ABHD3: variants seen among roughly 807,000 people sequenced by gnomAD.
ABHD3 encodes abhydrolase domain containing 3, phospholipase, also known as phospholipase ABHD3.
A neutral mutation model predicts 48.8 loss-of-function variants in ABHD3; 46 were observed. The observed-to-expected ratio is 0.94, with a 90% CI of 0.74 to 1.20. The LOEUF (loss-of-function observed/expected upper bound fraction) is 1.20, where lower values mean the gene tolerates loss of function less well. Among genes scored for constraint, ABHD3 ranks in the 50% most tolerant of loss-of-function variants. The pLI is 0.00. For missense variants in ABHD3, 490 were observed against 497.8 expected (o/e 0.98, Z 0.15); for synonymous variants, 192 against 183.7 (o/e 1.04, Z -0.36).
chr18:21,702,501 G>T lies in ABHD3; in HGVS notation c.327-3C>A. On this transcript the variant is annotated splice_polypyrimidine_tract_variant and splice_region_variant and intron_variant, in intron 2 of 8. Coordinates refer to ENST00000289119, the MANE Select transcript of ABHD3 (RefSeq NM_138340.5). ...CATCTGCAGTTTTAATAAGTTCACT[G>T]AAAGGAATAATTCAGAAGACATTAC... The T allele has an allele frequency of 6.3e-7, 1 of 1,583,974 alleles. No individual in the cohort carries two copies. Among genetic ancestry groups the T allele is most frequent in the Non-Finnish European group, 8.6e-7 (1 of 1,161,586 alleles).
At chr18:21,702,112 G>A (rs1337125418) in intron 3 of ABHD3, 3 of 489,872 alleles carry the variant, frequency 6.1e-6, no homozygotes, top group Non-Finnish European at 1.1e-5. Context: ...TGTCTACTAT[G>A]CTAAGTGACA....
At chr18:21,667,234 C>CTTTTTTT (rs745430805) in intron 4 of ABHD3, among the ~76,000 whole-genome samples, 1 of 81,440 alleles carries the variant, frequency 1.2e-5, no homozygotes, top group Non-Finnish European at 2.2e-5. Flanking sequence ...CCACCACACC[C>CTTTTTTT]TTTTTTTTTT....
chr18:21,660,125 C>A (rs2039455609), intron 5 of ABHD3, among the ~76,000 whole-genome samples: 1 of 138,870 alleles, frequency 7.2e-6, no homozygotes, highest in Non-Finnish European at 1.5e-5. Context: ...TCAAACACAG[C>A]TAATTAAAAA....
chr18:21,661,250 T>G (rs1020244533), intron 5 of ABHD3, among the ~76,000 whole-genome samples: 1 of 152,174 alleles, frequency 6.6e-6, no homozygotes, highest in Admixed American at 6.6e-5. Context: ...ATGTGAACAC[T>G]TACTGAATAC....
chr18:21,659,659 A>G (rs1378155357), intron 5 of ABHD3, among the ~76,000 whole-genome samples: 3 of 151,036 alleles, frequency 2.0e-5, no homozygotes, highest in East Asian at 3.9e-4. Context: ...AATCACCTAG[A>G]GTTTTTTTTT....
At chr18:21,676,407 T>C (rs1231312813) in intron 4 of ABHD3, among the ~76,000 whole-genome samples, 2 of 152,262 alleles carry the variant, frequency 1.3e-5, no homozygotes, top group Non-Finnish European at 2.9e-5. Flanking sequence ...CTAACTTTTT[T>C]TTAAGGCAGA....
chr18:21,664,223 C>A lies in ABHD3; in HGVS notation c.563G>T (p.Arg188Met). The A allele has an allele frequency of 6.2e-7, 1 of 1,612,712 alleles. No individual in the cohort carries two copies. Among genetic ancestry groups the A allele is most frequent in the Non-Finnish European group, 8.5e-7 (1 of 1,179,586 alleles). ...TTCAGTGTTAGCACAACAATAAGTC[C>A]TTGGCGTCTGGAAGTAGTGACAAGT... is the stretch of plus-strand genomic sequence containing the variant. ...GVAGENLLTP[R>M]TYCCANTEDL... Residue 188 changes from arginine to methionine, a missense_variant, in exon 5 of 9, where the codon AGG (arginine) becomes ATG (methionine). Transcript: ENST00000289119.
At chr18:21,679,815 G>A (rs920794755) in intron 4 of ABHD3, among the ~76,000 whole-genome samples, 4 of 152,002 alleles carry the variant, frequency 2.6e-5, no homozygotes, top group African/African-American at 7.2e-5. Context: ...TTGAGCCACC[G>A]CGCCTGGCCT....
At chr18:21,684,867 A>G (rs1300667561) in intron 3 of ABHD3, among the ~76,000 whole-genome samples, 1 of 152,188 alleles carries the variant, frequency 6.6e-6, no homozygotes, top group Non-Finnish European at 1.5e-5. Flanking sequence ...GGGAGGAAAG[A>G]TGACCTTGTG....
intron 3 of ABHD3, 112 bp from the exon 4 acceptor site, chr18:21,684,077 T>C: frequency 1.0e-6 from 1 of 970,162 alleles, no homozygotes; most frequent in Non-Finnish European, 1.5e-6. Flanking sequence ...ATTTTAAAAA[T>C]CTGTCTTGTA....
chr18:21,697,866 T>C (rs372096523), intron 3 of ABHD3, among the ~76,000 whole-genome samples: 1 of 152,186 alleles, frequency 6.6e-6, no homozygotes, highest in African/African-American at 2.4e-5. Flanking sequence ...TAAACCATTA[T>C]GTCTCCTTTG....
In ABHD3 at chr18:21,703,739, C is replaced by G; in HGVS notation, c.171G>C (p.Gln57His). The G allele has an allele frequency of 6.2e-7, 1 of 1,613,414 alleles. No homozygotes were observed. The highest frequency in any genetic ancestry group is 8.5e-7 in the Non-Finnish European group (1 of 1,179,566). Residue 57 changes from glutamine to histidine, a missense_variant, in exon 2 of 9, where the codon CAG (glutamine) becomes CAC (histidine). Transcript: ENST00000289119. ...YYLSSIAKKP[Q>H]LVTGGESFSR... ...TGAAACTCTCACCCCCGGTCACTAA[C>G]TGGGGTTTCTGAAGGGAAAAGCAGT...
At chr18:21,663,993 T>C in intron 5 of ABHD3, 125 bp downstream of exon 5, 1 of 1,435,718 alleles carries the variant, frequency 7.0e-7, no homozygotes, top group Non-Finnish European at 9.1e-7. Flanking sequence ...TTTAATAAAA[T>C]ATGATAAACA....
At chr18:21,670,220 C>A (rs527709137) in intron 4 of ABHD3, among the ~76,000 whole-genome samples, 2 of 152,054 alleles carry the variant, frequency 1.3e-5, no homozygotes, top group Admixed American at 1.3e-4. Context: ...CTAGAGAAGG[C>A]CCCCAGTCAC....
At chr18:21,653,077 A>AAAAAG (rs772523934) in intron 8 of ABHD3, among the ~76,000 whole-genome samples, 16,202 of 76,018 alleles carry the variant, frequency 0.21, 4,204 homozygotes, top group African/African-American at 0.36. Flanking sequence ...AAAAAAAAAA[A>AAAAAG]AAAGAGCTGG....
intron 4 of ABHD3, among the ~76,000 whole-genome samples, chr18:21,676,262 A>C (rs932205395): frequency 6.6e-6 from 1 of 152,224 alleles, no homozygotes; most frequent in Non-Finnish European, 1.5e-5. Flanking sequence ...ACTTAGGTAA[A>C]TCATTTACTC....
intron 6 of ABHD3, among the ~76,000 whole-genome samples, chr18:21,658,739 T>C (rs1311010295): frequency 2.0e-5 from 3 of 152,164 alleles, no homozygotes; most frequent in African/African-American, 7.2e-5. Flanking sequence ...TTTGGTACAG[T>C]AGTAAATTTA....
At chr18:21,680,852 ATGTGTGTG>A (rs537497306) in intron 4 of ABHD3, among the ~76,000 whole-genome samples, 6 of 108,484 alleles carry the variant, frequency 5.5e-5, no homozygotes, top group African/African-American at 3.6e-4. Flanking sequence ...TCTTTTTCAA[ATGTGTGTG>A]TGTGTGTGTG....
intron 3 of ABHD3, among the ~76,000 whole-genome samples, chr18:21,698,756 T>C (rs1342046876): frequency 6.7e-6 from 1 of 149,542 alleles, no homozygotes; most frequent in African/African-American, 2.5e-5. Flanking sequence ...TTTCTCTGTA[T>C]TTTTAGTGTA....
Sources: allele counts gnomAD v4.1 joint callset (sites outside exome capture counted in the v4.1 genomes callset), GRCh38; gene constraint gnomAD v4.1.1; transcripts MANE v1.5; gene names NCBI Gene and HGNC (gene_info 2026-07-23, HGNC 2026-07-21).